The following DLGAP2 variants were observed in gnomAD, a reference collection of about 807,000 sequenced individuals.
DLGAP2 encodes the protein disks large-associated protein 2.
DLGAP2 carries 26 observed loss-of-function variants against 100.3 expected under a neutral mutation model. That is an observed-to-expected ratio of 0.26 (90% CI 0.19 to 0.36). The LOEUF is 0.36. Ranked by LOEUF, DLGAP2 falls within the 10% of genes least tolerant of loss-of-function variation. DLGAP2 has a pLI of 1.00. For synonymous variants in DLGAP2, 886 were observed against 630.1 expected (o/e 1.41, Z -6.08); for missense variants, 1,858 against 1,453.2 (o/e 1.28, Z -4.53).
At chr8:909,227 TG>T (rs1322053444) in intron 2 of DLGAP2, among the ~76,000 whole-genome samples, 15 of 152,210 alleles carry the variant, frequency 9.9e-5, no homozygotes, top group African/African-American at 3.1e-4. Flanking sequence ...TTTTATTTTC[TG>T]GAAGTCTTGG....
chr8:1,210,876 C>A (rs1417369795), intron 2 of DLGAP2, among the ~76,000 whole-genome samples: 1 of 152,212 alleles, frequency 6.6e-6, no homozygotes, highest in African/African-American at 2.4e-5. Flanking sequence ...CTCCCAGATC[C>A]TCTGCCAGTC....
chr8:1,070,250 T>C (rs1044507548), intron 2 of DLGAP2, among the ~76,000 whole-genome samples: 4 of 152,078 alleles, frequency 2.6e-5, no homozygotes, highest in African/African-American at 9.7e-5. Flanking sequence ...GAGAAGGAGA[T>C]CTTTTTTCAT....
intron 3 of DLGAP2, among the ~76,000 whole-genome samples, chr8:1,272,969 G>A (rs1157918567): frequency 6.6e-6 from 1 of 152,182 alleles, no homozygotes; most frequent in Admixed American, 6.5e-5. Flanking sequence ...ACCTGGGAAG[G>A]AATGTTCGGA....
chr8:916,777 G>T (rs965937790), intron 2 of DLGAP2, among the ~76,000 whole-genome samples: 2 of 152,250 alleles, frequency 1.3e-5, no homozygotes, highest in South Asian at 2.1e-4. Flanking sequence ...TGGCTGATTT[G>T]TTGGGCAGTG....
In DLGAP2 at chr8:1,661,696, T is replaced by C. The variant is rs113495949; in HGVS notation, c.1811-6633T>C. On this transcript the variant is annotated intron_variant, in intron 8 of 14. Coordinates refer to ENST00000637795, the MANE Select transcript of DLGAP2 (RefSeq NM_001346810.2). ...TGTCTAGATGCAGTGATCTGGTGAA[T>C]TGGAGCTCCATGATGCTATCTGGGA... Among the ~76,000 whole-genome samples, 896 of 152,238 alleles carry C rather than the reference T, an allele frequency of 5.9e-3. 10 individuals are homozygous for C. The highest frequency in any genetic ancestry group is 0.02 in the African/African-American group (837 of 41,528).
chr8:1,674,011 T>TAA (rs1798752626), intron 10 of DLGAP2, among the ~76,000 whole-genome samples: 1 of 152,198 alleles, frequency 6.6e-6, no homozygotes, highest in Admixed American at 6.5e-5. Flanking sequence ...CTGTGTTCTT[T>TAA]AAAGTCTGTA....
intron 2 of DLGAP2, among the ~76,000 whole-genome samples, chr8:1,105,734 G>T (rs1178455410): frequency 1.3e-5 from 2 of 150,642 alleles, no homozygotes; most frequent in Non-Finnish European, 3.0e-5. Context: ...CTACTTAAGG[G>T]GGCCATTCTA....
At chr8:1,559,125 T>C (rs1014921564) in intron 5 of DLGAP2, among the ~76,000 whole-genome samples, 5 of 152,248 alleles carry the variant, frequency 3.3e-5, no homozygotes, top group African/African-American at 1.2e-4. Flanking sequence ...GTCACCCTTA[T>C]GAAAATGCCT....
At chr8:1,051,454 G>T (rs1410897869) in intron 2 of DLGAP2, among the ~76,000 whole-genome samples, 1 of 152,148 alleles carries the variant, frequency 6.6e-6, no homozygotes, top group Non-Finnish European at 1.5e-5. Flanking sequence ...CGTGGGGAGT[G>T]TGCTGTCACT....
rs557592446 is a variant in DLGAP2, at chr8:1,704,975, T to G, written c.*3569T>G. ...GATGCCATATTAAGCAGCCACCGTT[T>G]CCACCCCTTTCATTAGAAGGCCCTG... is the stretch of plus-strand genomic sequence containing the variant. On this transcript the variant is annotated 3_prime_UTR_variant, in exon 15 of 15. Transcript: ENST00000637795. 6.6e-6 allele frequency: 1 copy of G among 152,370 alleles called. No homozygotes were observed. The highest frequency in any genetic ancestry group is 6.5e-5 in the Admixed American group (1 of 15,294). The allele number at this position is 152,370 out of a possible 1,614,324, so 9.4% of individuals were successfully genotyped here.
At chr8:1,419,779 C>G (rs1235438702) in intron 3 of DLGAP2, among the ~76,000 whole-genome samples, 1 of 152,114 alleles carries the variant, frequency 6.6e-6, no homozygotes, top group Non-Finnish European at 1.5e-5. Flanking sequence ...ATTAGTCTAG[C>G]CACTAAGGAA....
At chr8:1,412,404 C>T (rs1265320224) in intron 3 of DLGAP2, among the ~76,000 whole-genome samples, 1 of 152,198 alleles carries the variant, frequency 6.6e-6, no homozygotes, top group East Asian at 1.9e-4. Context: ...CTCAGAGTCT[C>T]ACCCTCTTCC....
At chr8:1,137,264 C>G (rs532226633) in intron 2 of DLGAP2, 6 of 152,498 alleles carry the variant, frequency 3.9e-5, no homozygotes, top group East Asian at 1.9e-4. Context: ...AGGGTTCACT[C>G]AAAACCTCAT....
intron 3 of DLGAP2, among the ~76,000 whole-genome samples, chr8:1,438,773 A>G (rs1232950606): frequency 1.3e-5 from 2 of 152,214 alleles, no homozygotes; most frequent in African/African-American, 4.8e-5. Flanking sequence ...AGGCGGCAGC[A>G]GGCTCTAAAG....
intron 6 of DLGAP2, chr8:1,619,986 G>A (rs1171351582): frequency 6.6e-6 from 1 of 152,140 alleles, no homozygotes; most frequent in African/African-American, 2.4e-5. Flanking sequence ...GCCTCTTTGA[G>A]TGTCTTTCCC....
Position 1,541,522 on chromosome 8 carries a change from A to C in DLGAP2, c.173-7104A>C, listed in dbSNP as rs570179153. On this transcript the variant is annotated intron_variant, in intron 4 of 14. Coordinates refer to ENST00000637795, the MANE Select transcript of DLGAP2 (RefSeq NM_001346810.2). ...CACACTTCCTGGGTGATGCTGAGGTATAGCCTCGGTTTAAAGCCCTTTGAA... is the reference window on the plus strand; with the variant it reads ...CACACTTCCTGGGTGATGCTGAGGTCTAGCCTCGGTTTAAAGCCCTTTGAA... Among the ~76,000 whole-genome samples the C allele has an allele frequency of 9.2e-5, 14 of 152,272 alleles. 1 individual carries two copies. Among genetic ancestry groups the C allele is most frequent in the South Asian group, 4.1e-4 (2 of 4,822 alleles).
At chr8:859,114 CTTTT>C (rs113689898) in intron 1 of DLGAP2, among the ~76,000 whole-genome samples, 3 of 142,432 alleles carry the variant, frequency 2.1e-5, no homozygotes, top group South Asian at 2.2e-4. Flanking sequence ...CCTTAGTCTT[CTTTT>C]TTTTTTTTTT....
At chr8:1,116,792 C>G (rs1000999731) in intron 2 of DLGAP2, among the ~76,000 whole-genome samples, 1 of 151,956 alleles carries the variant, frequency 6.6e-6, no homozygotes, top group South Asian at 2.1e-4. Flanking sequence ...CAGGGCAAAA[C>G]CCTGTCTCAA....
chr8:1,039,853 G>A lies in DLGAP2; in HGVS notation c.73+131887G>A, dbSNP rs781293622. 4.4e-3 allele frequency among the ~76,000 whole-genome samples: 654 copies of A among 147,540 alleles called. 5 individuals carry two copies. The highest frequency in any genetic ancestry group is 7.7e-3 in the Non-Finnish European group (512 of 66,846). On this transcript the variant is annotated intron_variant, in intron 2 of 14. Transcript: ENST00000637795. Reference sequence around the variant, plus strand: ...TCGGCTCGGTGTGCATGTTCAGCTCGGTGTGCGTGGTCGGCTCATTGTGCA... The same window carrying A: ...TCGGCTCGGTGTGCATGTTCAGCTCAGTGTGCGTGGTCGGCTCATTGTGCA...
Sources: gnomAD v4.1 joint callset for allele counts (sites outside exome capture counted in the v4.1 genomes callset) on GRCh38, gnomAD v4.1.1 for gene constraint, MANE v1.5 for transcripts, NCBI Gene and HGNC (gene_info 2026-07-23, HGNC 2026-07-21) for gene names.